The following UQCC1 variants were observed in gnomAD, a reference collection of about 807,000 sequenced individuals.
UQCC1 encodes bFGF-repressed Zic-binding protein.
UQCC1 carries 38 observed loss-of-function variants against 48.0 expected under a neutral mutation model. That is an observed-to-expected ratio of 0.79 (90% CI 0.61 to 1.04). The LOEUF is 1.04. Ranked by LOEUF, UQCC1 falls within the 50% of genes least tolerant of loss-of-function variation. The pLI is 0.00. For missense variants in UQCC1, 368 were observed against 381.8 expected (o/e 0.96, Z 0.30); for synonymous variants, 111 against 129.2 (o/e 0.86, Z 0.95).
chr20:35,385,134 C>T (rs1012075558), intron 2 of UQCC1, among the ~76,000 whole-genome samples: 9 of 152,076 alleles, frequency 5.9e-5, no homozygotes, highest in Non-Finnish European at 1.2e-4. Flanking sequence ...GGTTTAAAAC[C>T]TGCTTCTGTC....
chr20:35,371,810 G>A (rs1287756556), intron 5 of UQCC1, among the ~76,000 whole-genome samples: 1 of 150,374 alleles, frequency 6.7e-6, no homozygotes, highest in Non-Finnish European at 1.5e-5. Context: ...AGGAGTTCAA[G>A]ACCAGCCTGG....
At chr20:35,346,837 A>G (rs2061436541) in intron 7 of UQCC1, 1 of 707,742 alleles carries the variant, frequency 1.4e-6, no homozygotes, top group Admixed American at 3.0e-5. Context: ...TGTCAAAGGT[A>G]TAGTATCCTT....
chr20:35,349,123 T>A (rs1483191833), intron 6 of UQCC1, among the ~76,000 whole-genome samples: 1 of 152,204 alleles, frequency 6.6e-6, no homozygotes, highest in African/African-American at 2.4e-5. Context: ...GCAATAGTAA[T>A]GGTACAATGA....
At chr20:35,338,069 T>C (rs537630825) in intron 7 of UQCC1, among the ~76,000 whole-genome samples, 5 of 151,844 alleles carry the variant, frequency 3.3e-5, no homozygotes, top group South Asian at 4.2e-4. Flanking sequence ...TGAAAAATAA[T>C]TGTAAAATCA....
chr20:35,374,169 C>A lies in UQCC1; in HGVS notation c.406+15G>T, dbSNP rs757732101. On this transcript the variant is annotated intron_variant, in intron 5 of 9. Transcript: ENST00000374385. ...GATTTGTTCTCCTTTTCAGTACTATCAAACAATAACTTACTTAGAAAGAAT... is the reference window on the plus strand; with the variant it reads ...GATTTGTTCTCCTTTTCAGTACTATAAAACAATAACTTACTTAGAAAGAAT... The A allele has an allele frequency of 5.0e-6, 8 of 1,600,968 alleles. No individual in the cohort carries two copies. Among genetic ancestry groups the A allele is most frequent in the Non-Finnish European group, 6.8e-6 (8 of 1,169,778 alleles).
rs1391696081 is a variant in UQCC1, at chr20:35,406,638, C to T, written c.24+5302G>A. The stretch of plus-strand genomic sequence containing the variant: ...GAAATGAAAGGAAACTACAGAATAA[C>T]TCAAATCTACATGAAGAAATAAAGT... On this transcript the variant is annotated intron_variant, in intron 1 of 9. Transcript: ENST00000374385. Among the ~76,000 whole-genome samples the T allele has an allele frequency of 4.6e-5, 7 of 152,128 alleles. No homozygotes were observed. In the East Asian group the frequency reaches 1.3e-3, roughly 29 times the overall value.
Position 35,381,970 on chromosome 20 carries a change from G to A in UQCC1, c.281C>T (p.Thr94Ile). 6.2e-7 allele frequency: 1 copy of A among 1,613,266 alleles called. No homozygotes were observed. Among genetic ancestry groups the A allele is most frequent in the Non-Finnish European group, 8.5e-7 (1 of 1,179,552 alleles). The change falls in exon 4 of 10, where the codon ACA (threonine) becomes ATA (isoleucine). Residue 94 changes from threonine to isoleucine, a missense_variant. Thr to Ile is a moderately conservative substitution (Grantham distance 89, BLOSUM62 -1). Coordinates refer to ENST00000374385, the MANE Select transcript of UQCC1 (RefSeq NM_018244.5). ...GAATCCCATGGCTTCTATTATCTTT[G>A]TGAAAGCACCAACCTTCTCCTCAAC... ...QPVEEKVGAF[T>I]KIIEAMGFTG...
chr20:35,352,235 T>TG (rs773554649), intron 6 of UQCC1, among the ~76,000 whole-genome samples: 4 of 152,228 alleles, frequency 2.6e-5, no homozygotes, highest in Non-Finnish European at 4.4e-5. Flanking sequence ...GGCAGGGCCA[T>TG]GGAAGAGTTC....
intron 7 of UQCC1, among the ~76,000 whole-genome samples, chr20:35,341,453 C>T (rs1239354938): frequency 6.6e-6 from 1 of 152,048 alleles, no homozygotes; most frequent in Non-Finnish European, 1.5e-5. Context: ...TCTCCCTGCC[C>T]CACTTTTTCC....
intron 1 of UQCC1, among the ~76,000 whole-genome samples, chr20:35,408,287 G>C (rs1601046156): frequency 6.6e-6 from 1 of 151,652 alleles, no homozygotes; most frequent in East Asian, 2.0e-4. Flanking sequence ...AAACTAGCTG[G>C]GTGTGTTGGC....
chr20:35,387,885 A>C (rs2061964597), intron 2 of UQCC1, among the ~76,000 whole-genome samples: 1 of 152,076 alleles, frequency 6.6e-6, no homozygotes. Context: ...CAAAAATAGC[A>C]ATTGCAACTT....
At chr20:35,372,621 G>A (rs2061746807) in intron 5 of UQCC1, among the ~76,000 whole-genome samples, 1 of 152,210 alleles carries the variant, frequency 6.6e-6, no homozygotes, top group African/African-American at 2.4e-5. Context: ...GGAACTTTGG[G>A]TTGGGAGACT....
intron 6 of UQCC1, among the ~76,000 whole-genome samples, chr20:35,364,686 C>A (rs1039513848): frequency 1.3e-5 from 2 of 152,162 alleles, no homozygotes; most frequent in African/African-American, 4.8e-5. Flanking sequence ...CACCCTACTC[C>A]TCAGAAATTA....
Position 35,383,169 on chromosome 20 carries a change from G to A in UQCC1, c.225+869C>T, listed in dbSNP as rs989607202. 4.8e-4 allele frequency among the ~76,000 whole-genome samples: 73 copies of A among 152,094 alleles called. 1 individual carries two copies. Among genetic ancestry groups the A allele is most frequent in the Admixed American group, 4.2e-3 (64 of 15,270 alleles). On this transcript the variant is annotated intron_variant, in intron 3 of 9. Transcript: ENST00000374385. ...TAAACTCTTGCATTTTTTAGTAAAG[G>A]TATCACAAATTTTATTAATGACTAC... is the stretch of plus-strand genomic sequence containing the variant.
At chr20:35,362,170 G>A (rs565190489) in intron 6 of UQCC1, among the ~76,000 whole-genome samples, 4 of 152,270 alleles carry the variant, frequency 2.6e-5, no homozygotes, top group Admixed American at 1.3e-4. Flanking sequence ...GTGGAGAGGC[G>A]GGGGAAGGGC....
chr20:35,400,781 C>A (rs1467897026), intron 1 of UQCC1, among the ~76,000 whole-genome samples: 1 of 152,164 alleles, frequency 6.6e-6, no homozygotes, highest in Non-Finnish European at 1.5e-5. Context: ...AGGTGTGAGC[C>A]ACCATGCCTG....
intron 7 of UQCC1, among the ~76,000 whole-genome samples, chr20:35,322,129 T>C (rs934086856): frequency 1.3e-5 from 2 of 152,194 alleles, no homozygotes; most frequent in African/African-American, 4.8e-5. Context: ...GGAAGCTTTT[T>C]GTAGTATTCC....
At chr20:35,309,575 A>T (rs2060967833) in intron 8 of UQCC1, among the ~76,000 whole-genome samples, 1 of 152,224 alleles carries the variant, frequency 6.6e-6, no homozygotes, top group Admixed American at 6.5e-5. Context: ...CAGAACTGGA[A>T]GAAGGGTCCT....
intron 6 of UQCC1, among the ~76,000 whole-genome samples, chr20:35,354,457 C>T (rs918845904): frequency 4.0e-5 from 6 of 148,904 alleles, no homozygotes; most frequent in South Asian, 4.3e-4. Context: ...AGTGCACTGA[C>T]GCAATCTTGG....
Sources: gnomAD v4.1 joint callset for allele counts (sites outside exome capture counted in the v4.1 genomes callset) on GRCh38, gnomAD v4.1.1 for gene constraint, MANE v1.5 for transcripts, NCBI Gene and HGNC (gene_info 2026-07-23, HGNC 2026-07-21) for gene names.